Variants in SYN2 observed in about 807,000 individuals in gnomAD.
SYN2 encodes the protein synapsin II.
A neutral mutation model predicts 50.9 loss-of-function variants in SYN2; 19 were observed. The ratio of observed to expected loss-of-function variants is 0.37; its 90% CI spans 0.26 to 0.55. The LOEUF is 0.55. SYN2 is among the 20% of genes least tolerant of loss of function. The pLI, the probability that SYN2 is intolerant of heterozygous loss-of-function variation, is 0.81. For missense variants in SYN2, 587 were observed against 576.4 expected, an observed-to-expected ratio of 1.02 and a Z score of -0.19; for synonymous variants, 255 against 224.9, an observed-to-expected ratio of 1.13 and a Z score of -1.20.
chr3:12,184,631 A>C (rs1698301605), intron 11 of SYN2: 2 of 985,768 alleles, frequency 2.0e-6, no homozygotes, highest in African/African-American at 3.5e-5. Flanking sequence ...CCTGGGAGGA[A>C]CTGTCTCAGA....
At chr3:12,151,119 A>G (rs1697276363) in intron 4 of SYN2, 118 bp from the exon 5 acceptor site, 2 of 701,010 alleles carry the variant, frequency 2.9e-6, no homozygotes, top group Non-Finnish European at 5.0e-6. Flanking sequence ...ATATCCTCAC[A>G]ATGCTTAGCA....
chr3:12,185,421 G>A (rs1698319553), intron 11 of SYN2: 2 of 985,804 alleles, frequency 2.0e-6, no homozygotes, highest in East Asian at 1.1e-4. Context: ...GTCAGTCAAG[G>A]TCTTTCAGGT....
At chr3:12,022,155 G>C (rs1046851179) in intron 1 of SYN2, among the ~76,000 whole-genome samples, 3 of 151,896 alleles carry the variant, frequency 2.0e-5, no homozygotes, top group African/African-American at 7.3e-5. Flanking sequence ...GTCTATACTA[G>C]GCTGTGAGTT....
chr3:12,177,298 T>C (rs1353165774), intron 10 of SYN2, among the ~76,000 whole-genome samples: 6 of 152,132 alleles, frequency 3.9e-5, no homozygotes, highest in African/African-American at 1.4e-4. Flanking sequence ...TAAACTTCCT[T>C]AAAACATTAT....
At chr3:12,059,963 C>T (rs999605117) in intron 1 of SYN2, among the ~76,000 whole-genome samples, 27 of 152,076 alleles carry the variant, frequency 1.8e-4, no homozygotes. Context: ...AACAGCTGAA[C>T]AAAATGAAAA....
At chr3:12,098,008 A>T (rs372682669) in intron 1 of SYN2, among the ~76,000 whole-genome samples, 24 of 151,830 alleles carry the variant, frequency 1.6e-4, no homozygotes, top group African/African-American at 2.7e-4. Context: ...AAGTATAATT[A>T]AAAAAAAAGA....
At chr3:12,057,680 G>A (rs1169702796) in intron 1 of SYN2, among the ~76,000 whole-genome samples, 1 of 152,024 alleles carries the variant, frequency 6.6e-6, no homozygotes, top group Non-Finnish European at 1.5e-5. Context: ...ATAACTTTGG[G>A]CTCTTAATTT....
At chr3:12,026,664 G>A (rs9813811) in intron 1 of SYN2, among the ~76,000 whole-genome samples, 12,619 of 152,146 alleles carry the variant, frequency 0.083, 945 homozygotes, top group African/African-American at 0.19. Context: ...TTCTTGGTGC[G>A]GATATTGTGT....
At chr3:12,096,200 T>C (rs926278712) in intron 1 of SYN2, among the ~76,000 whole-genome samples, 2 of 152,242 alleles carry the variant, frequency 1.3e-5, no homozygotes, top group African/African-American at 4.8e-5. Context: ...GTCTTGAAAT[T>C]ACTTCCTATC....
intron 1 of SYN2, among the ~76,000 whole-genome samples, chr3:12,097,584 C>A (rs1230223149): frequency 7.0e-6 from 1 of 142,328 alleles, no homozygotes; most frequent in African/African-American, 2.7e-5. Context: ...CCAGCCTGGG[C>A]GACAGAGCGA....
chr3:12,136,487 C>T (rs1696895308), intron 1 of SYN2, among the ~76,000 whole-genome samples: 1 of 152,182 alleles, frequency 6.6e-6, no homozygotes, highest in Admixed American at 6.5e-5. Flanking sequence ...CCTAGCTTCC[C>T]TGGCTTCTAT....
chr3:12,012,160 T>G (rs1259678054), intron 1 of SYN2, among the ~76,000 whole-genome samples: 1 of 151,670 alleles, frequency 6.6e-6, no homozygotes, highest in African/African-American at 2.4e-5. Context: ...CAATATAACT[T>G]AGTTTTTTTT....
intron 1 of SYN2, among the ~76,000 whole-genome samples, chr3:12,098,745 TAAAA>T (rs759720525): frequency 6.6e-6 from 1 of 150,902 alleles, no homozygotes; most frequent in Non-Finnish European, 1.5e-5. Context: ...ATTAAACACT[TAAAA>T]AACAGAATGA....
Position 12,158,514 on chromosome 3 carries a change from T to A in SYN2, c.775-3032T>A. The A allele has an allele frequency of 8.1e-6, 6 of 740,384 alleles. No individual in the cohort carries two copies. In the South Asian group the frequency reaches 1.1e-4, roughly 14 times the overall value. The allele number at this position is 740,384 out of a possible 1,614,324, so 45.9% of individuals were successfully genotyped here. A position where few individuals can be genotyped will look rare whatever the true frequency, so the allele number is the denominator to read the frequency against. Reference sequence around the variant, plus strand: ...GATGAAATCTTCATTTCCTTATGAATCAGTCAGGTTCTGGGCTTGCAAGGT... The same window carrying A: ...GATGAAATCTTCATTTCCTTATGAAACAGTCAGGTTCTGGGCTTGCAAGGT... On this transcript the variant is annotated intron_variant, in intron 5 of 12. Coordinates refer to ENST00000621198, the MANE Select transcript of SYN2 (RefSeq NM_133625.6).
chr3:12,180,072 C>T (rs1299930939), intron 10 of SYN2, among the ~76,000 whole-genome samples: 1 of 152,152 alleles, frequency 6.6e-6, no homozygotes, highest in African/African-American at 2.4e-5. Context: ...CCACAGCCCT[C>T]TGGGTAGCTG....
At chr3:12,026,988 GTGT>G (rs1694275122) in intron 1 of SYN2, among the ~76,000 whole-genome samples, 1 of 152,170 alleles carries the variant, frequency 6.6e-6, no homozygotes. Flanking sequence ...TTGTCTCAGG[GTGT>G]TGGATATACG....
At chr3:12,038,980 T>C (rs1032500952) in intron 1 of SYN2, among the ~76,000 whole-genome samples, 3 of 152,176 alleles carry the variant, frequency 2.0e-5, no homozygotes, top group Non-Finnish European at 4.4e-5. Context: ...ATATCCTTGT[T>C]TTATTCCTCA....
chr3:12,175,247 G>C (rs1698039179), intron 10 of SYN2, among the ~76,000 whole-genome samples: 1 of 152,190 alleles, frequency 6.6e-6, no homozygotes, highest in Admixed American at 6.5e-5. Context: ...CATATTTGTT[G>C]AGTGAGTTCA....
At chr3:12,078,395 T>C (rs1173268588) in intron 1 of SYN2, among the ~76,000 whole-genome samples, 4 of 152,192 alleles carry the variant, frequency 2.6e-5, no homozygotes, top group African/African-American at 9.6e-5. Flanking sequence ...ATGTCCTAAA[T>C]GGTATTCCCT....
Sources: allele counts gnomAD v4.1 joint callset (sites outside exome capture counted in the v4.1 genomes callset), GRCh38; gene constraint gnomAD v4.1.1; transcripts MANE v1.5; gene names NCBI Gene and HGNC (gene_info 2026-07-23, HGNC 2026-07-21).